HACE1: variants seen among roughly 807,000 people sequenced by gnomAD.
HACE1 encodes HECT domain and ankyrin repeat containing E3 ubiquitin protein ligase 1, also known as E3 ubiquitin-protein ligase HACE1.
HACE1 carries 73 observed loss-of-function variants against 118.4 expected under a neutral mutation model. The ratio of observed to expected loss-of-function variants is 0.62; its 90% CI spans 0.51 to 0.75. The LOEUF is 0.75. Among genes scored for constraint, HACE1 ranks in the 30% least tolerant of loss-of-function variants. The probability of loss-of-function intolerance (pLI) is 0.00; values close to 1 mark genes in which losing one functional copy is unlikely to be tolerated. For missense variants in HACE1, 749 were observed against 1,102.2 expected (o/e 0.68, Z 4.54); for synonymous variants, 368 against 374.8 (o/e 0.98, Z 0.21).
At chr6:104,816,437 A>G (rs1772123579) in intron 6 of HACE1, among the ~76,000 whole-genome samples, 1 of 152,242 alleles carries the variant, frequency 6.6e-6, no homozygotes, top group African/African-American at 2.4e-5. Context: ...AGCTCAGGCC[A>G]CTGCTTTAGA....
intron 6 of HACE1, among the ~76,000 whole-genome samples, chr6:104,831,998 G>GA (rs1774024982): frequency 7.1e-6 from 1 of 140,362 alleles, no homozygotes; most frequent in Non-Finnish European, 1.6e-5. Flanking sequence ...AAGGAAGGAA[G>GA]GAAGGAAGGA....
At chr6:104,842,373 G>A (rs1562492353) in intron 5 of HACE1, 1 of 151,882 alleles carries the variant, frequency 6.6e-6, no homozygotes, top group Non-Finnish European at 1.5e-5. Context: ...TGGGAGGCCG[G>A]CGGGTGGATC....
rs1780584958 is a variant in HACE1, at chr6:104,771,406, T to C, written c.2015-17A>G. ...CAGGAATACCTAAAAAATGCAAACATACAGCAGTTATAGTCTGGTTTTGCC... is the reference window on the plus strand; with the variant it reads ...CAGGAATACCTAAAAAATGCAAACACACAGCAGTTATAGTCTGGTTTTGCC... On this transcript the variant is annotated splice_polypyrimidine_tract_variant and intron_variant, in intron 18 of 23. Transcript: ENST00000262903. 1 of 1,547,754 alleles carries C rather than the reference T, an allele frequency of 6.5e-7. No individual in the cohort carries two copies. Among genetic ancestry groups the C allele is most frequent in the Non-Finnish European group, 8.9e-7 (1 of 1,120,940 alleles).
chr6:104,733,085 A>G (rs1007226842), intron 22 of HACE1, among the ~76,000 whole-genome samples: 5 of 152,354 alleles, frequency 3.3e-5, no homozygotes, highest in African/African-American at 1.2e-4. Context: ...AACGTGACCA[A>G]ACATAAAAAG....
chr6:104,786,303 T>A (rs1490213943), intron 11 of HACE1: 1 of 142,270 alleles, frequency 7.0e-6, no homozygotes, highest in African/African-American at 2.7e-5. Context: ...ATCACACCAC[T>A]GCACTCCAGC....
chr6:104,748,310 C>A (rs1777662606), intron 20 of HACE1, among the ~76,000 whole-genome samples: 1 of 151,496 alleles, frequency 6.6e-6, no homozygotes, highest in African/African-American at 2.4e-5. Context: ...AAACAGTACA[C>A]AAATGGCTAT....
intron 1 of HACE1, among the ~76,000 whole-genome samples, chr6:104,856,864 T>C (rs1776774259): frequency 6.6e-6 from 1 of 152,146 alleles, no homozygotes; most frequent in South Asian, 2.1e-4. Context: ...CTCCATTACT[T>C]AGGGTAATAC....
At chr6:104,796,411 A>G (rs1769636859) in intron 9 of HACE1, among the ~76,000 whole-genome samples, 1 of 152,168 alleles carries the variant, frequency 6.6e-6, no homozygotes, top group African/African-American at 2.4e-5. Flanking sequence ...CGCCCAGCCT[A>G]TTCTAGTTAT....
At chr6:104,851,745 T>C (rs1296547998) in intron 2 of HACE1, among the ~76,000 whole-genome samples, 1 of 152,224 alleles carries the variant, frequency 6.6e-6, no homozygotes, top group Non-Finnish European at 1.5e-5. Flanking sequence ...AAAAAAATTT[T>C]TTTAACTTGT....
Position 104,811,332 on chromosome 6 carries a change from G to A in HACE1, c.596C>T (p.Thr199Ile), listed in dbSNP as rs1417212832. The change falls in exon 7 of 24, where the codon ACT becomes ATT. Residue 199 changes from threonine to isoleucine, a missense_variant. Around this residue, in one of 5 missense-constraint regions of HACE1, gnomAD observed 267 missense variants for 312.2 expected, o/e 0.86. Transcript: ENST00000262903. Reference sequence around the variant, plus strand: ...ATACCTGCAAGCAAAGTACAATGGAGTTGCTCCTGATACATTTGGCCTGTT... The same window carrying A: ...ATACCTGCAAGCAAAGTACAATGGAATTGCTCCTGATACATTTGGCCTGTT... ...DINRPNVSGA[T>I]PLYFACSHGQ... 6.7e-7 allele frequency: 1 copy of A among 1,493,776 alleles called. No homozygotes were observed. Among genetic ancestry groups the A allele is most frequent in the East Asian group, 2.3e-5 (1 of 43,590 alleles). The allele number at this position is 1,493,776 out of a possible 1,614,324, so 92.5% of individuals were successfully genotyped here. A position where few individuals can be genotyped will look rare whatever the true frequency, so the allele number is the denominator to read the frequency against.
chr6:104,824,139 T>TGG (rs1773071511), intron 6 of HACE1, among the ~76,000 whole-genome samples: 2 of 152,202 alleles, frequency 1.3e-5, no homozygotes, highest in Admixed American at 1.3e-4. Flanking sequence ...GTTCGGAAGG[T>TGG]GAGCCCTCCC....
intron 18 of HACE1, 115 bp downstream of exon 18, chr6:104,771,810 C>T (rs1780638202): frequency 1.0e-5 from 8 of 766,956 alleles, no homozygotes; most frequent in Non-Finnish European, 1.8e-5. Flanking sequence ...TACAGATGGG[C>T]TCCAATCAAA....
At chr6:104,801,976 A>G (rs1323327562) in intron 7 of HACE1, among the ~76,000 whole-genome samples, 1 of 151,576 alleles carries the variant, frequency 6.6e-6, no homozygotes, top group East Asian at 1.9e-4. Context: ...ACCTGCAGAA[A>G]CACACATAGG....
rs1491228714 is a variant in HACE1, at chr6:104,852,200, T to TGC, written c.131+116_131+117insGC. On this transcript the variant is annotated intron_variant, in intron 2 of 23. Transcript: ENST00000262903. ...CCAGAACATCTATGTCCAAACTGTC[T>TGC]GTGTGTGTGTGTGTGTGTGTGTGTG... 53 of 515,222 alleles carry TGC rather than the reference T, an allele frequency of 1.0e-4. 1 individual carries two copies. Among genetic ancestry groups the TGC allele is most frequent in the Non-Finnish European group, 6.8e-6 (2 of 295,774 alleles). The allele number at this position is 515,222 out of a possible 1,614,324, so 31.9% of individuals were successfully genotyped here.
At chr6:104,761,503 A>C (rs761606378) in intron 19 of HACE1, among the ~76,000 whole-genome samples, 1 of 152,210 alleles carries the variant, frequency 6.6e-6, no homozygotes, top group Non-Finnish European at 1.5e-5. Context: ...ATATGCAGAA[A>C]ACTGAAACTG....
intron 14 of HACE1, among the ~76,000 whole-genome samples, chr6:104,778,908 T>C (rs1781475510): frequency 6.6e-6 from 1 of 152,062 alleles, no homozygotes; most frequent in Admixed American, 6.6e-5. Flanking sequence ...ACCCCCACAC[T>C]CCTAGAAGGT....
At chr6:104,784,595 A>AG (rs1287542218) in intron 12 of HACE1, 110 bp from the exon 13 acceptor site, 1 of 735,932 alleles carries the variant, frequency 1.4e-6, no homozygotes, top group African/African-American at 1.8e-5. Flanking sequence ...CAAAAAAAAA[A>AG]GAATTTGGTT....
intron 7 of HACE1, among the ~76,000 whole-genome samples, chr6:104,797,679 A>G (rs1421877256): frequency 1.3e-5 from 2 of 152,080 alleles, no homozygotes; most frequent in Admixed American, 1.3e-4. Context: ...GAACTCTCCT[A>G]TCCATATGCC....
At chr6:104,821,282 G>A (rs1016381734) in intron 6 of HACE1, among the ~76,000 whole-genome samples, 9 of 151,990 alleles carry the variant, frequency 5.9e-5, no homozygotes, top group South Asian at 2.1e-4. Flanking sequence ...ACAAAGCCCC[G>A]TGACACAAGT....
Sources: gnomAD v4.1 joint callset for allele counts (sites outside exome capture counted in the v4.1 genomes callset) on GRCh38, gnomAD v4.1.1 for gene constraint, gnomAD v4.1.1 regional missense constraint, MANE v1.5 for transcripts, NCBI Gene and HGNC (gene_info 2026-07-23, HGNC 2026-07-21) for gene names.